Variants in RAI1 observed in about 807,000 individuals in gnomAD.
RAI1 encodes retinoic acid-induced protein 1.
Under a neutral mutation model 123.8 loss-of-function variants are expected in RAI1, and 9 were observed. The observed-to-expected ratio is 0.07, with a 90% confidence interval of 0.04 to 0.13. RAI1 has a LOEUF of 0.13. RAI1 is among the 10% of genes least tolerant of loss of function. The pLI is 1.00. For synonymous variants in RAI1, 1,231 were observed against 1,127.3 expected (o/e 1.09, Z -1.84); for missense variants, 2,256 against 2,545.8 (o/e 0.89, Z 2.45).
At chr17:17,691,505 G>C (rs1275209875) in intron 1 of RAI1, among the ~76,000 whole-genome samples, 2 of 152,228 alleles carry the variant, frequency 1.3e-5, no homozygotes, top group South Asian at 2.1e-4. Context: ...AGAGGGATGC[G>C]AGCCCTTCTA....
chr17:17,727,136 G>A (rs2142939554), intron 2 of RAI1, among the ~76,000 whole-genome samples: 1 of 152,334 alleles, frequency 6.6e-6, no homozygotes, highest in Non-Finnish European at 1.5e-5. Context: ...TGCCTGCAGT[G>A]GGAGAAACGG....
In RAI1 at chr17:17,809,502, A is replaced by G; in HGVS notation, c.5709+63A>G. 1 of 1,492,660 alleles carries G rather than the reference A, an allele frequency of 6.7e-7. No individual in the cohort carries two copies. Among genetic ancestry groups the G allele is most frequent in the Non-Finnish European group, 9.3e-7 (1 of 1,072,452 alleles). The allele number at this position is 1,492,660 out of a possible 1,614,324, so 92.5% of individuals were successfully genotyped here. ...AAGCGGGAGAGGAGCCCCACCTCGC[A>G]CCTCCTTCACAGTCCCCTGGGCCCC... On this transcript the variant is annotated intron_variant, in intron 5 of 5. Transcript: ENST00000353383. This position sits in a 1 kb window ranked among gnomAD's most constrained non-coding sequence, Gnocchi z 4.9.
At chr17:17,772,632 C>A (rs530570447) in intron 2 of RAI1, among the ~76,000 whole-genome samples, 7 of 152,370 alleles carry the variant, frequency 4.6e-5, no homozygotes, top group African/African-American at 1.7e-4. Flanking sequence ...TCTCTCCTGC[C>A]TTCCAGGCTT....
rs532411094 is a variant in RAI1, at chr17:17,779,406, G to A, written c.-16-13527G>A. 1.8e-4 allele frequency: 30 copies of A among 165,748 alleles called. No individual in the cohort carries two copies. The South Asian group carries it at 4.5e-3, about 25-fold the overall frequency. The allele number at this position is 165,748 out of a possible 1,614,324, so 10.3% of individuals were successfully genotyped here. A position where few individuals can be genotyped will look rare whatever the true frequency, so the allele number is the denominator to read the frequency against. On this transcript the variant is annotated intron_variant, in intron 2 of 5. Coordinates refer to ENST00000353383, the MANE Select transcript of RAI1 (RefSeq NM_030665.4). ...GCAGCCAGGCCTCCAGGGAGGCCAG[G>A]ACAGCGTGGGCCCCACAGTTCCCTG...
chr17:17,697,646 G>A (rs139933391), intron 1 of RAI1, among the ~76,000 whole-genome samples: 2 of 152,364 alleles, frequency 1.3e-5, no homozygotes, highest in East Asian at 1.9e-4. Flanking sequence ...ATGGGTTTGC[G>A]TGTGTTCCTG....
Position 17,681,675 on chromosome 17 carries a change from T to A in RAI1, c.-267T>A, listed in dbSNP as rs1287162626. The A allele has an allele frequency of 1.2e-5, 3 of 259,040 alleles. No individual in the cohort carries two copies. The highest frequency in any genetic ancestry group is 6.6e-5 in the East Asian group (1 of 15,184). The allele number at this position is 259,040 out of a possible 1,614,324, so 16.0% of individuals were successfully genotyped here. Reference sequence around the variant, plus strand: ...AGGGGGCGCCGCGGCCCACCCTCCTTCCTGCCTGGCCGCGGGCCGGCCGGG... The same window carrying A: ...AGGGGGCGCCGCGGCCCACCCTCCTACCTGCCTGGCCGCGGGCCGGCCGGG... On this transcript the variant is annotated 5_prime_UTR_variant, in exon 1 of 6. Transcript: ENST00000353383.
chr17:17,759,760 CA>C (rs2030608622), intron 2 of RAI1, among the ~76,000 whole-genome samples: 1 of 152,218 alleles, frequency 6.6e-6, no homozygotes, highest in South Asian at 2.1e-4. Context: ...CTGCTGCACT[CA>C]GCACCAAGCA....
rs145732429 is a variant in RAI1 at position 17,798,476 on chromosome 17, T to C, written c.5528T>C (p.Phe1843Ser). The change falls in exon 3 of 6, where the codon TTT (phenylalanine) becomes TCT (serine). Residue 1843 changes from phenylalanine (F) to serine (S), a missense_variant. By Grantham distance (155) the Phe-to-Ser change is radical. Transcript: ENST00000353383. ...GGVYLVAGKLFGLQEAMKVAV... is the reference protein window; with the variant it reads ...GGVYLVAGKLSGLQEAMKVAV... ...GTCTACCTGGTGGCCGGGAAGCTCT[T>C]TGGGCTGCAGGAGGCCATGAAGGTG... 4.9e-5 allele frequency: 78 copies of C among 1,604,320 alleles called. No homozygotes were observed. Among genetic ancestry groups the C allele is most frequent in the African/African-American group, 1.5e-4 (11 of 74,926 alleles).
Position 17,810,861 on chromosome 17 carries a change from G to A in RAI1, c.*880G>A, listed in dbSNP as rs759219352. The A allele has an allele frequency of 4.5e-6, 2 of 446,506 alleles. No individual in the cohort carries two copies. Among genetic ancestry groups the A allele is most frequent in the South Asian group, 3.1e-5 (2 of 64,068 alleles). The allele number at this position is 446,506 out of a possible 1,614,324, so 27.7% of individuals were successfully genotyped here. On this transcript the variant is annotated 3_prime_UTR_variant, in exon 6 of 6. Transcript: ENST00000353383. The surrounding 1 kb of genome is among the most constrained non-coding windows in gnomAD (Gnocchi z 4.6). Reference sequence around the variant, plus strand: ...AGGGACCGCCGCGCCTACTCTGCACGGGAGCAGGGACAGCGCTAGATTTCG... The same window carrying A: ...AGGGACCGCCGCGCCTACTCTGCACAGGAGCAGGGACAGCGCTAGATTTCG...
chr17:17,781,256 A>G (rs1042820121), intron 2 of RAI1, among the ~76,000 whole-genome samples: 1 of 152,178 alleles, frequency 6.6e-6, no homozygotes, highest in Non-Finnish European at 1.5e-5. Flanking sequence ...TCTGTGCTGC[A>G]GCAGGGAGTC....
In RAI1 at chr17:17,803,763, C is replaced by T. The variant is rs770450464; in HGVS notation, c.5573C>T (p.Ser1858Phe). 9.9e-6 allele frequency: 16 copies of T among 1,613,162 alleles called. No homozygotes were observed. Among genetic ancestry groups the T allele is most frequent in the Middle Eastern group, 1.6e-4 (1 of 6,084 alleles). The change falls in exon 4 of 6, where the codon TCC becomes TTC. Residue 1858 changes from serine (S) to phenylalanine (F), a missense_variant. Coordinates refer to ENST00000353383, the MANE Select transcript of RAI1 (RefSeq NM_030665.4). ...TTCCTTTCTCTTCATCAGATGTGTT[C>T]CAGCTGCCAAGAAGCCGGGGCCACC... ...AMKVAVDMMC[S>F]SCQEAGATIG...
intron 2 of RAI1, among the ~76,000 whole-genome samples, chr17:17,779,871 G>T (rs1401669659): frequency 3.4e-5 from 5 of 147,018 alleles, no homozygotes; most frequent in Non-Finnish European, 6.0e-5. Context: ...GCCCCCCGGG[G>T]TTCACGCCAT....
intron 2 of RAI1, among the ~76,000 whole-genome samples, chr17:17,780,082 T>TTTTTTTTCTTTA (rs71152902): frequency 9.0e-6 from 1 of 110,962 alleles, no homozygotes; most frequent in Non-Finnish European, 1.8e-5. Flanking sequence ...GGCTTTTTTT[T>TTTTTTTTCTTTA]AAGACAAGAG....
chr17:17,808,980 C>T (rs1223048525), intron 4 of RAI1, among the ~76,000 whole-genome samples: 2 of 152,124 alleles, frequency 1.3e-5, no homozygotes, highest in Non-Finnish European at 2.9e-5. Flanking sequence ...GAGCTGGTGC[C>T]CTCTGGGAGC....
At chr17:17,710,632 C>T (rs994075247) in intron 1 of RAI1, among the ~76,000 whole-genome samples, 1 of 152,216 alleles carries the variant, frequency 6.6e-6, no homozygotes, top group Non-Finnish European at 1.5e-5. Flanking sequence ...TCACCCAGCC[C>T]CACCTGGCAG....
rs1230388623 is a variant in RAI1 at position 17,797,934 on chromosome 17, C to G, written c.4986C>G (p.Pro1662=). The G allele has an allele frequency of 2.5e-6, 4 of 1,613,936 alleles. No homozygotes were observed. Among genetic ancestry groups the G allele is most frequent in the East Asian group, 2.2e-5 (1 of 44,862 alleles). Residue 1662 remains proline, a synonymous_variant, in exon 3 of 6, where the codon CCC becomes CCG. Coordinates refer to ENST00000353383, the MANE Select transcript of RAI1 (RefSeq NM_030665.4). ...GAGGCTCCATCCTGCAGCCGCGGCC[C>G]TCCTTGCCCCTCTCCTCCACGATGC... ...LPGGSILQPR[P]SLPLSSTMHL... is the part of the protein sequence containing the mutation.
At chr17:17,780,088 A>G (rs1316657470) in intron 2 of RAI1, among the ~76,000 whole-genome samples, 1 of 8,406 alleles carries the variant, frequency 1.2e-4, no homozygotes, top group Non-Finnish European at 2.9e-4. Flanking sequence ...TTTTTAAGAC[A>G]AGAGTTTTAC....
chr17:17,707,472 A>T (rs1915429442), intron 1 of RAI1, among the ~76,000 whole-genome samples: 1 of 152,176 alleles, frequency 6.6e-6, no homozygotes, highest in Non-Finnish European at 1.5e-5. Context: ...AGGGAAGGGC[A>T]TTGCAGGCAG....
intron 2 of RAI1, among the ~76,000 whole-genome samples, chr17:17,775,825 C>G (rs896037388): frequency 3.3e-5 from 5 of 152,264 alleles, no homozygotes; most frequent in Middle Eastern, 3.4e-3. Context: ...GATCTTGGCT[C>G]AGTTATTCCG....
Sources: allele counts gnomAD v4.1 joint callset (sites outside exome capture counted in the v4.1 genomes callset), GRCh38; gene constraint gnomAD v4.1.1; non-coding constraint Gnocchi (gnomAD v3.1); transcripts MANE v1.5; gene names NCBI Gene and HGNC (gene_info 2026-07-23, HGNC 2026-07-21).